ASF1B: variants seen among roughly 807,000 people sequenced by gnomAD.
The protein encoded by ASF1B is histone chaperone ASF1B.
In ASF1B, 10 loss-of-function variants were observed where a neutral mutation model predicts 16.6. That is an observed-to-expected ratio of 0.60 (90% confidence interval 0.37 to 1.02). ASF1B has a LOEUF of 1.02. Among genes scored for constraint, ASF1B ranks in the 50% least tolerant of loss-of-function variants. ASF1B has a pLI of 0.01. For missense variants in ASF1B, 240 were observed against 266.0 expected (o/e 0.90, Z 0.68); for synonymous variants, 101 against 106.2 (o/e 0.95, Z 0.30).
At position 14,130,787 on chromosome 19, in the gene ASF1B, G is replaced by GTATATATATA. The variant is rs61351900; in HGVS notation, c.110-4560_110-4551dup. On this transcript the variant is annotated intron_variant, in intron 1 of 3. Transcript: ENST00000263382. Reference sequence around the variant, plus strand: ...ACATACCTCCACTGTGTGTTTGTGTGTATATATATATATATATATATATAA... The same window carrying GTATATATATA: ...ACATACCTCCACTGTGTGTTTGTGTGTATATATATATATATATATATATATATATATATAA... 1.4e-3 allele frequency among the ~76,000 whole-genome samples: 194 copies of GTATATATATA among 142,466 alleles called. 1 individual carries two copies. The highest frequency in any genetic ancestry group is 4.9e-3 in the South Asian group (22 of 4,482). The allele number at this position is 142,466 out of a possible 152,430, so 93.5% of individuals were successfully genotyped here. A position where few individuals can be genotyped will look rare whatever the true frequency, so the allele number is the denominator to read the frequency against.
Position 14,136,422 on chromosome 19 carries a change from A to G in ASF1B, c.35T>C (p.Leu12Pro). The part of the protein sequence containing the change: ...AKVSVLNVAV[L>P]ENPSPFHSPF... ...GCTGTGGAAAGGGCTCGGGTTCTCC[A>G]GGACCGCCACGTTCAGCACCGACAC... Residue 12 changes from leucine to proline, a missense_variant, in exon 1 of 4, where the codon CTG becomes CCG. Physicochemically the swap from Leu to Pro is moderately conservative, Grantham distance 98. Transcript: ENST00000263382. 6.2e-7 allele frequency: 1 copy of G among 1,613,724 alleles called. No individual in the cohort carries two copies. Among genetic ancestry groups the G allele is most frequent in the Non-Finnish European group, 8.5e-7 (1 of 1,179,754 alleles).
chr19:14,130,787 G>GTGTATATA (rs141600762), intron 1 of ASF1B, among the ~76,000 whole-genome samples: 36 of 142,434 alleles, frequency 2.5e-4, no homozygotes, highest in African/African-American at 8.9e-4. Flanking sequence ...GTGTTTGTGT[G>GTGTATATA]TATATATATA....
chr19:14,133,797 ATTTTTTTT>A (rs34122923), intron 1 of ASF1B, among the ~76,000 whole-genome samples: 2,776 of 98,878 alleles, frequency 0.028, 106 homozygotes, highest in African/African-American at 0.11. Context: ...CCGCACAACC[ATTTTTTTT>A]TTTTTTTTTT....
intron 3 of ASF1B, chr19:14,121,181 C>T: frequency 2.6e-6 from 1 of 384,610 alleles, no homozygotes; most frequent in Non-Finnish European, 4.6e-6. Flanking sequence ...AATGCAGTGG[C>T]ACGATCTGAG....
At chr19:14,130,478 G>A (rs573357085) in intron 1 of ASF1B, among the ~76,000 whole-genome samples, 39 of 150,670 alleles carry the variant, frequency 2.6e-4, no homozygotes, top group Non-Finnish European at 5.0e-4. Context: ...AGTCCAGTCT[G>A]GGCAACATAG....
chr19:14,121,616 G>T lies in ASF1B; in HGVS notation c.318C>A (p.Phe106Leu). Residue 106 changes from phenylalanine (F) to leucine (L), a missense_variant, in exon 3 of 4, where the codon TTC becomes TTA. Physicochemically the swap from Phe to Leu is conservative, Grantham distance 22 (BLOSUM62 0). Transcript: ENST00000263382. ...LITCTYHGQE[F>L]IRVGYYVNNE... ...TGTTGACGTAGTAGCCCACTCGGAT[G>T]AACTCCTGTCCATGGTAGGTGCAGG... 1.2e-6 allele frequency: 2 copies of T among 1,614,038 alleles called. No individual in the cohort carries two copies. Among genetic ancestry groups the T allele is most frequent in the Non-Finnish European group, 1.7e-6 (2 of 1,180,010 alleles).
intron 1 of ASF1B, among the ~76,000 whole-genome samples, chr19:14,130,168 T>C (rs775170413): frequency 3.3e-5 from 5 of 151,706 alleles, no homozygotes; most frequent in Non-Finnish European, 7.4e-5. Context: ...ATGCCATTCT[T>C]GTGCCTCAGC....
intron 1 of ASF1B, among the ~76,000 whole-genome samples, chr19:14,130,251 C>T (rs956809439): frequency 1.3e-5 from 2 of 151,576 alleles, no homozygotes; most frequent in Non-Finnish European, 2.9e-5. Flanking sequence ...TTAGTAGAGA[C>T]GGGGTTTCAC....
Position 14,136,484 on chromosome 19 carries a change from G to T in ASF1B, c.-28C>A. 1.2e-6 allele frequency: 2 copies of T among 1,604,896 alleles called. No homozygotes were observed. Among genetic ancestry groups the T allele is most frequent in the Non-Finnish European group, 1.7e-6 (2 of 1,173,720 alleles). On this transcript the variant is annotated 5_prime_UTR_variant, in exon 1 of 4. Coordinates refer to ENST00000263382, the MANE Select transcript of ASF1B (RefSeq NM_018154.3). ...CCTCGCCTCGCCGCGCCGCAGCAGG[G>T]GCAGGGGCTGTGGCTGTGGCGGAGG...
intron 2 of ASF1B, among the ~76,000 whole-genome samples, chr19:14,124,450 A>G (rs1256289041): frequency 6.6e-6 from 1 of 152,112 alleles, no homozygotes; most frequent in Non-Finnish European, 1.5e-5. Context: ...GCCAGAATCT[A>G]CATTTGACAA....
intron 1 of ASF1B, among the ~76,000 whole-genome samples, chr19:14,129,239 G>T (rs1568545565): frequency 6.6e-6 from 1 of 151,960 alleles, no homozygotes; most frequent in Non-Finnish European, 1.5e-5. Context: ...GGACGACAGA[G>T]ACCCTATCTC....
At chr19:14,126,724 G>A (rs746945311) in intron 1 of ASF1B, among the ~76,000 whole-genome samples, 26 of 152,054 alleles carry the variant, frequency 1.7e-4, no homozygotes, top group Non-Finnish European at 3.5e-4. Context: ...CACCCGCCTT[G>A]GCCTCCCAAA....
chr19:14,122,356 T>C (rs1967252282), intron 2 of ASF1B, among the ~76,000 whole-genome samples: 1 of 148,530 alleles, frequency 6.7e-6, no homozygotes, highest in African/African-American at 2.6e-5. Context: ...TGTGAGCCAT[T>C]GCGCCTGGAC....
At chr19:14,122,956 C>T (rs1433755385) in intron 2 of ASF1B, among the ~76,000 whole-genome samples, 2 of 152,214 alleles carry the variant, frequency 1.3e-5, no homozygotes, top group African/African-American at 4.8e-5. Context: ...AGAAGGCTTA[C>T]ACCAGTCATC....
At chr19:14,126,882 C>T (rs1308094450) in intron 1 of ASF1B, among the ~76,000 whole-genome samples, 3 of 152,184 alleles carry the variant, frequency 2.0e-5, no homozygotes, top group Non-Finnish European at 4.4e-5. Context: ...GGTGGGATTA[C>T]AGGTGTGAGC....
intron 1 of ASF1B, among the ~76,000 whole-genome samples, chr19:14,126,533 G>A (rs993787944): frequency 9.2e-5 from 14 of 152,006 alleles, no homozygotes; most frequent in African/African-American, 3.1e-4. Flanking sequence ...GTACAATGGT[G>A]TGATCTTGGC....
In ASF1B at chr19:14,136,562, C is replaced by T. The variant is rs1414912595; in HGVS notation, c.-106G>A. 5 of 831,300 alleles carry T rather than the reference C, an allele frequency of 6.0e-6. No individual in the cohort carries two copies. Among genetic ancestry groups the T allele is most frequent in the East Asian group, 5.6e-5 (2 of 35,882 alleles). The allele number at this position is 831,300 out of a possible 1,614,324, so 51.5% of individuals were successfully genotyped here. A position where few individuals can be genotyped will look rare whatever the true frequency, so the allele number is the denominator to read the frequency against. On this transcript the variant is annotated 5_prime_UTR_variant, in exon 1 of 4. Coordinates refer to ENST00000263382, the MANE Select transcript of ASF1B (RefSeq NM_018154.3). ...GGGTAGGGCTGACCAGGTCCACTCC[C>T]GCCTCTTCTCTCCGAGAACTGAAGT...
At chr19:14,121,275 ATTTTTTTT>A (rs71170594) in intron 3 of ASF1B, 23 of 298,950 alleles carry the variant, frequency 7.7e-5, no homozygotes, top group South Asian at 1.5e-4. Context: ...TGTCTGGCTC[ATTTTTTTT>A]TTTTTTTTTT....
chr19:14,133,904 C>T (rs950916104), intron 1 of ASF1B, among the ~76,000 whole-genome samples: 101 of 147,598 alleles, frequency 6.8e-4, no homozygotes, highest in African/African-American at 2.4e-3. Context: ...CCCGGGTTCA[C>T]GCCATTCTCC....
Sources: gnomAD v4.1 joint callset for allele counts (sites outside exome capture counted in the v4.1 genomes callset) on GRCh38, gnomAD v4.1.1 for gene constraint, MANE v1.5 for transcripts, NCBI Gene and HGNC (gene_info 2026-07-23, HGNC 2026-07-21) for gene names.